STKLD1: variants seen among roughly 807,000 people sequenced by gnomAD.
STKLD1 encodes serine/threonine kinase-like domain-containing protein STKLD1.
Under a neutral mutation model 80.4 loss-of-function variants are expected in STKLD1, and 79 were observed. The ratio of observed to expected loss-of-function variants is 0.98; its 90% CI spans 0.82 to 1.19. The LOEUF (loss-of-function observed/expected upper bound fraction) is 1.19. STKLD1 is among the 50% of genes most tolerant of loss of function. The pLI is 0.00. For synonymous variants in STKLD1, 393 were observed against 357.6 expected, an observed-to-expected ratio of 1.10 and a Z score of -1.12; for missense variants, 841 against 856.0, an observed-to-expected ratio of 0.98 and a Z score of 0.22.
chr9:133,402,960 C>T lies in STKLD1; in HGVS notation c.1422C>T (p.Ser474=). The T allele has an allele frequency of 6.3e-7, 1 of 1,580,836 alleles. No individual in the cohort carries two copies. The highest frequency in any genetic ancestry group is 1.3e-5 in the African/African-American group (1 of 74,310). ...AGCACCTCAACAGCTCCCTCGAAAGCAGGGACGTCTGCGCCAGCGGCCTGG... is the reference window on the plus strand; with the variant it reads ...AGCACCTCAACAGCTCCCTCGAAAGTAGGGACGTCTGCGCCAGCGGCCTGG... ...ILEHLNSSLE[S]RDVCASGLGL... The change falls in exon 14 of 18, where the codon AGC becomes AGT. Residue 474 remains serine (S), a synonymous_variant. Coordinates refer to ENST00000371957, the MANE Select transcript of STKLD1 (RefSeq NM_153710.5).
chr9:133,402,661 G>A (rs982931960), intron 13 of STKLD1, among the ~76,000 whole-genome samples: 1 of 152,228 alleles, frequency 6.6e-6, no homozygotes, highest in Non-Finnish European at 1.5e-5. Context: ...GTAGTGGGAT[G>A]GCAGCTATTG....
chr9:133,394,292 C>A lies in STKLD1; in HGVS notation c.585C>A (p.Asp195Glu). ...KAKWNIRAEE[D>E]PFRKSWMAPE... ...ATCCCACCTTGCTTTTACCAACAGA[C>A]CCCTTTCGTAAGTCCTGGATGGCCC... Residue 195 changes from aspartate (D) to glutamate (E), a missense_variant and splice_region_variant, in exon 8 of 18, where the codon GAC becomes GAA. Coordinates refer to ENST00000371957, the MANE Select transcript of STKLD1 (RefSeq NM_153710.5). The surrounding 1 kb of genome is among the most constrained non-coding windows in gnomAD (Gnocchi z 4.9). 1 of 1,609,174 alleles carries A rather than the reference C, an allele frequency of 6.2e-7. No homozygotes were observed. The highest frequency in any genetic ancestry group is 8.5e-7 in the Non-Finnish European group (1 of 1,175,646).
chr9:133,386,209 A>T lies in STKLD1; in HGVS notation c.294+518A>T, dbSNP rs2130277084. On this transcript the variant is annotated intron_variant, in intron 4 of 17. Transcript: ENST00000371957. ...GCTGGGATTAGAGGCGTGAGCCACC[A>T]CGCCTGACCAGGAGGGGTTCTTAAC... Among the ~76,000 whole-genome samples the T allele has an allele frequency of 2.0e-5, 3 of 152,264 alleles. No individual in the cohort carries two copies. In the East Asian group the frequency reaches 5.8e-4, roughly 29 times the overall value.
chr9:133,394,456 GC>G lies in STKLD1; in HGVS notation c.702+50del. ...ACACCCCACATGCTGTTCCCCACGC[GC>G]CCAGGCCTGGGGAAAAGGCTTGGCC... On this transcript the variant is annotated intron_variant, in intron 8 of 17. Coordinates refer to ENST00000371957, the MANE Select transcript of STKLD1 (RefSeq NM_153710.5). This position sits in a 1 kb window ranked among gnomAD's most constrained non-coding sequence, Gnocchi z 4.9. 7.2e-7 allele frequency: 1 copy of G among 1,387,618 alleles called. No individual in the cohort carries two copies. The highest frequency in any genetic ancestry group is 1.0e-6 in the Non-Finnish European group (1 of 980,938). 86.0% of individuals were successfully genotyped at this position (1,387,618 alleles called of 1,614,324 possible).
chr9:133,397,333 C>T (rs782444361), intron 10 of STKLD1, 39 bp downstream of exon 10: 2 of 1,608,950 alleles, frequency 1.2e-6, no homozygotes, highest in East Asian at 2.2e-5. Context: ...TGCCCTGAAG[C>T]TCCTGTCCAT....
rs1436072718 is a variant in STKLD1, at chr9:133,395,621, CG to C, written c.726del (p.Lys243SerfsTer10). On this transcript the variant is annotated frameshift_variant, in exon 9 of 18. Transcript: ENST00000371957. LOFTEE classifies it high-confidence loss of function. ...FMDGTEAMHL[R>X]KSLRQSPGSL... ...GCAGGGCACAGAAGCCATGCATCTG[CG>C]GAAGTCCCTCCGCCAGAGCCCAGGC... 1 of 1,612,840 alleles carries C rather than the reference CG, an allele frequency of 6.2e-7. No homozygotes were observed. The highest frequency in any genetic ancestry group is 8.5e-7 in the Non-Finnish European group (1 of 1,179,954).
chr9:133,376,643 G>A (rs2130250288), intron 1 of STKLD1, 83 bp downstream of exon 1: 16 of 1,245,436 alleles, frequency 1.3e-5, no homozygotes, highest in Middle Eastern at 4.1e-4. Context: ...GGTTCCGACC[G>A]AGGGCGGCGA....
rs142634826 is a variant in STKLD1, at chr9:133,390,064, G to A, written c.467+468G>A. ...GAAGAGGGAAACTATGCAGCTGGGC[G>A]TGGTGGTGCACGCCTGTGGTCCTAG... is the stretch of plus-strand genomic sequence containing the variant. On this transcript the variant is annotated intron_variant, in intron 6 of 17. Transcript: ENST00000371957. The surrounding 1 kb of genome is among the most constrained non-coding windows in gnomAD (Gnocchi z 5.1). 6.4e-3 allele frequency among the ~76,000 whole-genome samples: 982 copies of A among 152,268 alleles called. 7 individuals are homozygous for A. The highest frequency in any genetic ancestry group is 0.01 in the Non-Finnish European group (681 of 68,002).
In STKLD1 at chr9:133,384,016, C is replaced by A; in HGVS notation, c.219+116C>A. 1 of 1,010,484 alleles carries A rather than the reference C, an allele frequency of 9.9e-7. No individual in the cohort carries two copies. The highest frequency in any genetic ancestry group is 1.5e-6 in the Non-Finnish European group (1 of 650,860). The allele number at this position is 1,010,484 out of a possible 1,614,324, so 62.6% of individuals were successfully genotyped here. A position where few individuals can be genotyped will look rare whatever the true frequency, so the allele number is the denominator to read the frequency against. On this transcript the variant is annotated intron_variant, in intron 3 of 17. Transcript: ENST00000371957. This position sits in a 1 kb window ranked among gnomAD's most constrained non-coding sequence, Gnocchi z 4.3. The stretch of plus-strand genomic sequence containing the variant: ...GAGAAGGCTGGAGGGAGGGATAGAG[C>A]ATCAGCACCAGTTTTGCCTCAGCTG...
At chr9:133,382,855 ATGG>A (rs1838172355) in intron 2 of STKLD1, among the ~76,000 whole-genome samples, 1 of 130,388 alleles carries the variant, frequency 7.7e-6, no homozygotes, top group Non-Finnish European at 1.7e-5. Context: ...TGGTGTGATG[ATGG>A]TGGTGGTGTG....
intron 14 of STKLD1, among the ~76,000 whole-genome samples, chr9:133,403,316 C>T (rs1031435292): frequency 6.6e-6 from 1 of 151,484 alleles, no homozygotes; most frequent in Non-Finnish European, 1.5e-5. Flanking sequence ...ATTTTCCGGG[C>T]AGTCCTGGTT....
Position 133,390,844 on chromosome 9 carries a change from A to T in STKLD1, c.583+48A>T. 1.3e-6 allele frequency: 2 copies of T among 1,502,380 alleles called. No homozygotes were observed. Among genetic ancestry groups the T allele is most frequent in the Non-Finnish European group, 9.3e-7 (1 of 1,079,458 alleles). 93.1% of individuals were successfully genotyped at this position (1,502,380 alleles called of 1,614,324 possible). On this transcript the variant is annotated intron_variant, in intron 7 of 17. Transcript: ENST00000371957. The surrounding 1 kb of genome is among the most constrained non-coding windows in gnomAD (Gnocchi z 5.1). ...GTGGGAGAGGGGGTTGGCGCCTAGAATCCAGGCGGCGTTGGCCACTCTGGG... is the reference window on the plus strand; with the variant it reads ...GTGGGAGAGGGGGTTGGCGCCTAGATTCCAGGCGGCGTTGGCCACTCTGGG...
chr9:133,383,646 GAT>G (rs1838203277), intron 2 of STKLD1, among the ~76,000 whole-genome samples: 3 of 121,910 alleles, frequency 2.5e-5, no homozygotes, highest in Non-Finnish European at 5.4e-5. Flanking sequence ...TGATGATGGT[GAT>G]GATGGCAGTG....
Position 133,385,166 on chromosome 9 carries a change from A to T in STKLD1, c.220-451A>T, listed in dbSNP as rs1838236570. The stretch of plus-strand genomic sequence containing the variant: ...GTTGTCTGTCTGGCTCCATGTCTCT[A>T]AGGCAGCCCTATCTGCTCCTGTTTG... On this transcript the variant is annotated intron_variant, in intron 3 of 17. Coordinates refer to ENST00000371957, the MANE Select transcript of STKLD1 (RefSeq NM_153710.5). The surrounding 1 kb of genome is among the most constrained non-coding windows in gnomAD (Gnocchi z 4.9). Among the ~76,000 whole-genome samples, 1 of 152,142 alleles carries T rather than the reference A, an allele frequency of 6.6e-6. No individual in the cohort carries two copies. Among genetic ancestry groups the T allele is most frequent in the African/African-American group, 2.4e-5 (1 of 41,420 alleles).
chr9:133,395,216 A>T (rs1306434628), intron 8 of STKLD1, among the ~76,000 whole-genome samples: 4 of 152,114 alleles, frequency 2.6e-5, no homozygotes, highest in Non-Finnish European at 5.9e-5. Context: ...CTCCCAGGGA[A>T]ATGAGAGCCT....
intron 2 of STKLD1, among the ~76,000 whole-genome samples, chr9:133,382,613 G>A (rs1272920717): frequency 6.6e-6 from 1 of 151,388 alleles, no homozygotes; most frequent in Non-Finnish European, 1.5e-5. Flanking sequence ...TGGTGGTCAT[G>A]GTGATTATGG....
In STKLD1 at chr9:133,405,417, A is replaced by G; in HGVS notation, c.2039A>G (p.Glu680Gly). Residue 680 changes from glutamate (E) to glycine (G), a missense_variant, in exon 18 of 18, where the codon GAA becomes GGA. By Grantham distance (98) the Glu-to-Gly change is moderately conservative (BLOSUM62 -2). Transcript: ENST00000371957. ...QLGCTTSGGL[E>G] is the part of the protein sequence containing the mutation. Reference sequence around the variant, plus strand: ...GGGTGCACCACGTCTGGGGGACTGGAATAGATGTTTGTATGGAACTGACCT... The same window carrying G: ...GGGTGCACCACGTCTGGGGGACTGGGATAGATGTTTGTATGGAACTGACCT... 6.2e-7 allele frequency: 1 copy of G among 1,604,774 alleles called. No homozygotes were observed. Among genetic ancestry groups the G allele is most frequent in the Non-Finnish European group, 8.5e-7 (1 of 1,178,538 alleles).
intron 5 of STKLD1, chr9:133,387,756 G>T: frequency 1.5e-6 from 1 of 670,166 alleles, no homozygotes; most frequent in East Asian, 2.9e-5. Context: ...CTTCCACCCA[G>T]ATCAAGACAG....
chr9:133,402,667 T>C lies in STKLD1; in HGVS notation c.1340-211T>C, dbSNP rs889808663. On this transcript the variant is annotated intron_variant, in intron 13 of 17. Transcript: ENST00000371957. The stretch of plus-strand genomic sequence containing the variant: ...CCCAGCCTGGTAGTGGGATGGCAGC[T>C]ATTGGGACTGGTGGCCCACGAGATG... 2.0e-5 allele frequency among the ~76,000 whole-genome samples: 3 copies of C among 152,196 alleles called. No homozygotes were observed. The South Asian group carries it at 6.2e-4, about 32-fold the overall frequency.
Sources: allele counts gnomAD v4.1 joint callset (sites outside exome capture counted in the v4.1 genomes callset), GRCh38; gene constraint gnomAD v4.1.1; non-coding constraint Gnocchi (gnomAD v3.1); transcripts MANE v1.5; gene names NCBI Gene and HGNC (gene_info 2026-07-23, HGNC 2026-07-21).